Variants in HAO2 observed in about 807,000 individuals in gnomAD.
HAO2 encodes 2-Hydroxyacid oxidase 2.
A neutral mutation model predicts 37.4 loss-of-function variants in HAO2; 42 were observed. The ratio of observed to expected loss-of-function variants is 1.12; its 90% CI spans 0.88 to 1.45. The LOEUF (loss-of-function observed/expected upper bound fraction) is 1.45, where lower values mean the gene tolerates loss of function less well. Among genes scored for constraint, HAO2 ranks in the 40% most tolerant of loss-of-function variants. HAO2 has a pLI of 0.00. For missense variants in HAO2, 476 were observed against 430.2 expected (o/e 1.11, Z -0.94); for synonymous variants, 180 against 162.8 (o/e 1.11, Z -0.81).
chr1:119,391,376 ATAG>A (rs1650881011), intron 5 of HAO2, among the ~76,000 whole-genome samples: 1 of 152,212 alleles, frequency 6.6e-6, no homozygotes, highest in Non-Finnish European at 1.5e-5. Flanking sequence ...GCCTAGAAGC[ATAG>A]ATCGGCCTGG....
intron 7 of HAO2, among the ~76,000 whole-genome samples, chr1:119,393,288 A>T (rs925166782): frequency 2.6e-5 from 4 of 152,054 alleles, no homozygotes; most frequent in African/African-American, 9.7e-5. Context: ...TTCAATCCTT[A>T]TGTCCAATCT....
chr1:119,391,770 A>C (rs934967887), intron 5 of HAO2, among the ~76,000 whole-genome samples: 1 of 152,224 alleles, frequency 6.6e-6, no homozygotes, highest in African/African-American at 2.4e-5. Flanking sequence ...AGAAAATCAA[A>C]AGTCAAAATG....
In HAO2 at chr1:119,386,741, A is replaced by G; in HGVS notation, c.681A>G (p.Lys227=). The stretch of plus-strand genomic sequence containing the variant: ...TCATCCTGAAAGGGATTTTGACAAA[A>G]GAGGATGCAGAGTTAGCTGTGAAGC... The part of the protein sequence containing the change: ...LPIILKGILT[K]EDAELAVKHN... The change falls in exon 5 of 8, where the codon AAA becomes AAG. Residue 227 remains lysine, a synonymous_variant. Coordinates refer to ENST00000325945, the MANE Select transcript of HAO2 (RefSeq NM_016527.4). The G allele has an allele frequency of 1.2e-6, 2 of 1,613,660 alleles. No homozygotes were observed. Among genetic ancestry groups the G allele is most frequent in the Non-Finnish European group, 1.7e-6 (2 of 1,179,584 alleles).
At chr1:119,392,410 T>G (rs1650985286) in intron 6 of HAO2, 142 bp downstream of exon 6, 2 of 761,038 alleles carry the variant, frequency 2.6e-6, no homozygotes, top group East Asian at 5.2e-5. Flanking sequence ...TCTCCATGCT[T>G]CTTCTGAAGC....
chr1:119,379,107 A>G lies in HAO2; in HGVS notation c.-8-1971A>G, dbSNP rs376497818. Among the ~76,000 whole-genome samples the G allele has an allele frequency of 3.1e-4, 47 of 152,324 alleles. No homozygotes were observed. In the South Asian group the frequency reaches 9.7e-3, roughly 32 times the overall value. On this transcript the variant is annotated intron_variant, in intron 1 of 7. Coordinates refer to ENST00000325945, the MANE Select transcript of HAO2 (RefSeq NM_016527.4). ...GGTAAGCTTCCATGAGTCCTCTGCCAGTGGACTCATGCGGGATGCAGTTAA... is the reference window on the plus strand; with the variant it reads ...GGTAAGCTTCCATGAGTCCTCTGCCGGTGGACTCATGCGGGATGCAGTTAA...
intron 1 of HAO2, among the ~76,000 whole-genome samples, chr1:119,375,098 C>T (rs1649340116): frequency 6.6e-6 from 1 of 152,094 alleles, no homozygotes; most frequent in Non-Finnish European, 1.5e-5. Flanking sequence ...TTCTTTTCTC[C>T]TCTGTCTCTT....
chr1:119,388,482 G>A (rs370167307), intron 5 of HAO2, among the ~76,000 whole-genome samples: 7 of 152,316 alleles, frequency 4.6e-5, no homozygotes, highest in South Asian at 2.1e-4. Flanking sequence ...CCAGGGAGAG[G>A]AGAATTTCTC....
At chr1:119,391,887 T>A (rs1650937385) in intron 5 of HAO2, among the ~76,000 whole-genome samples, 2 of 151,900 alleles carry the variant, frequency 1.3e-5, no homozygotes, top group South Asian at 4.2e-4. Flanking sequence ...GTTAAGTGAG[T>A]CAGAGAGAAG....
intron 5 of HAO2, among the ~76,000 whole-genome samples, chr1:119,388,677 G>A (rs587719843): frequency 1.3e-5 from 2 of 152,140 alleles, no homozygotes; most frequent in African/African-American, 4.8e-5. Context: ...CTAGCCCCAG[G>A]TCTATTTATT....
chr1:119,377,491 A>G (rs1378870533), intron 1 of HAO2, among the ~76,000 whole-genome samples: 2 of 152,182 alleles, frequency 1.3e-5, no homozygotes, highest in African/African-American at 4.8e-5. Context: ...AAACTGTTCC[A>G]ACCTCTGCCT....
intron 2 of HAO2, among the ~76,000 whole-genome samples, chr1:119,382,140 T>C (rs6678290): frequency 7.7e-4 from 117 of 152,322 alleles, no homozygotes; most frequent in African/African-American, 2.7e-3. Flanking sequence ...ACATCATTTA[T>C]TTCAGTCTGT....
chr1:119,379,614 C>A (rs909667174), intron 1 of HAO2, among the ~76,000 whole-genome samples: 1 of 152,140 alleles, frequency 6.6e-6, no homozygotes, highest in Non-Finnish European at 1.5e-5. Context: ...ATTTGTCAGA[C>A]TCAACTCCAT....
chr1:119,380,485 C>T, intron 1 of HAO2: 1 of 494,040 alleles, frequency 2.0e-6, no homozygotes, highest in East Asian at 3.3e-5. Flanking sequence ...TTGTCCTTTC[C>T]CCACTCTGTA....
At chr1:119,383,101 G>A in intron 3 of HAO2, 35 bp downstream of exon 3, 1 of 1,547,186 alleles carries the variant, frequency 6.5e-7, no homozygotes. Context: ...CTCCTTTCCG[G>A]GAGGAGGTGT....
chr1:119,370,739 T>C (rs1373866633), intron 1 of HAO2, among the ~76,000 whole-genome samples: 2 of 152,096 alleles, frequency 1.3e-5, no homozygotes, highest in African/African-American at 4.8e-5. Context: ...TGGAAAGCAA[T>C]GGCCTTCAGA....
intron 1 of HAO2, among the ~76,000 whole-genome samples, chr1:119,374,449 G>T (rs587634095): frequency 6.6e-5 from 10 of 152,260 alleles, no homozygotes; most frequent in African/African-American, 2.2e-4. Flanking sequence ...AGCCAACTTT[G>T]AACAGTCTAA....
intron 2 of HAO2, 137 bp from the exon 3 acceptor site, chr1:119,382,778 A>G (rs745804196): frequency 9.7e-6 from 7 of 724,314 alleles, no homozygotes; most frequent in Non-Finnish European, 1.4e-5. Context: ...GCTCTCAGCC[A>G]ACTGAACCCA....
intron 1 of HAO2, among the ~76,000 whole-genome samples, chr1:119,369,572 C>G (rs1436817379): frequency 6.6e-6 from 1 of 152,188 alleles, no homozygotes; most frequent in Non-Finnish European, 1.5e-5. Flanking sequence ...AACTTTTATT[C>G]TTAACTACTA....
intron 3 of HAO2, among the ~76,000 whole-genome samples, chr1:119,384,573 TAC>T (rs754411334): frequency 9.9e-5 from 15 of 152,204 alleles, no homozygotes; most frequent in Admixed American, 3.3e-4. Context: ...AGACAGGTTA[TAC>T]AGAGGAGAAC....
Sources: allele counts gnomAD v4.1 joint callset (sites outside exome capture counted in the v4.1 genomes callset), GRCh38; gene constraint gnomAD v4.1.1; transcripts MANE v1.5; gene names NCBI Gene and HGNC (gene_info 2026-07-23, HGNC 2026-07-21).